NOP16: variants seen among roughly 807,000 people sequenced by gnomAD.
NOP16 encodes NOP16 nucleolar protein, also known as nucleolar protein 16.
In NOP16, 14 loss-of-function variants were observed where a neutral mutation model predicts 22.7. The ratio of observed to expected loss-of-function variants is 0.62; its 90% CI spans 0.41 to 0.97. The LOEUF is 0.97. Among genes scored for constraint, NOP16 ranks in the 50% least tolerant of loss-of-function variants. The pLI, the probability that NOP16 is intolerant of heterozygous loss-of-function variation, is 0.00. For synonymous variants in NOP16, 80 were observed against 83.6 expected (o/e 0.96, Z 0.23); for missense variants, 198 against 235.9 (o/e 0.84, Z 1.05).
At chr5:176,385,950 G>A (rs993193923) in intron 3 of NOP16, 4 of 152,540 alleles carry the variant, frequency 2.6e-5, no homozygotes, top group Admixed American at 6.5e-5. Flanking sequence ...TGAAGTAGTC[G>A]AATCATATCC....
In NOP16 at chr5:176,383,994, C is replaced by A; in HGVS notation, c.*237G>T. On this transcript the variant is annotated 3_prime_UTR_variant, in exon 5 of 5. Coordinates refer to ENST00000614830, the MANE Select transcript of NOP16 (RefSeq NM_016391.8). ...TACACACTATATTTACATCACCCACCCTGAAAACAGCAGGTTCTGGCTTTT... is the reference window on the plus strand; with the variant it reads ...TACACACTATATTTACATCACCCACACTGAAAACAGCAGGTTCTGGCTTTT... The A allele has an allele frequency of 6.5e-7, 1 of 1,535,124 alleles. No individual in the cohort carries two copies. Among genetic ancestry groups the A allele is most frequent in the Non-Finnish European group, 8.7e-7 (1 of 1,146,516 alleles).
At position 176,386,878 on chromosome 5, in the gene NOP16, C is replaced by T. The variant is rs748516531; in HGVS notation, c.248G>A (p.Arg83Lys). 6.2e-6 allele frequency: 10 copies of T among 1,613,980 alleles called. No homozygotes were observed. The African/African-American group carries it at 1.2e-4, about 19-fold the overall frequency. The change falls in exon 3 of 5, where the codon AGG becomes AAG. Residue 83 changes from arginine to lysine, a missense_variant. Coordinates refer to ENST00000614830, the MANE Select transcript of NOP16 (RefSeq NM_016391.8). ...GGGCTTCCGTACAAGCTCTTTAGGC[C>T]TCTCCTCTATGTCCACCTCCATGGC... is the stretch of plus-strand genomic sequence containing the variant. The part of the protein sequence containing the change: ...VKAMEVDIEE[R>K]PKELVRKPYV...
At chr5:176,387,204 C>G (rs1192662801) in intron 2 of NOP16, among the ~76,000 whole-genome samples, 9 of 152,212 alleles carry the variant, frequency 5.9e-5, no homozygotes, top group Admixed American at 3.9e-4. Flanking sequence ...CTCAGCCTCT[C>G]AAGTAGCTGG....
intron 3 of NOP16, 130 bp from the exon 4 acceptor site, chr5:176,385,457 G>A: frequency 1.6e-6 from 1 of 628,788 alleles, no homozygotes. Context: ...GGGGGTCTTT[G>A]CCTCCCCATT....
In NOP16 at chr5:176,388,245, C is replaced by A. The variant is rs372260739; in HGVS notation, c.206G>T (p.Arg69Leu). ...AVDPNRAVPL[R>L]KRKVKAMEVD... ...CTGCCATGTCAGTACCTTTCTCTTA[C>A]GGAGGGGCACCGCCCTGTTGGGGTC... is the stretch of plus-strand genomic sequence containing the variant. Residue 69 changes from arginine (R) to leucine (L), a missense_variant, in exon 2 of 5, where the codon CGT (arginine) becomes CTT (leucine). Coordinates refer to ENST00000614830, the MANE Select transcript of NOP16 (RefSeq NM_016391.8). 120 of 1,611,090 alleles carry A rather than the reference C, an allele frequency of 7.4e-5. No individual in the cohort carries two copies. Among genetic ancestry groups the A allele is most frequent in the Non-Finnish European group, 9.5e-5 (112 of 1,177,506 alleles).
rs985311982 is a variant in NOP16, at chr5:176,386,923, A to C, written c.217-14T>G. 1 of 1,612,530 alleles carries C rather than the reference A, an allele frequency of 6.2e-7. No individual in the cohort carries two copies. The highest frequency in any genetic ancestry group is 1.3e-5 in the African/African-American group (1 of 74,892). On this transcript the variant is annotated splice_polypyrimidine_tract_variant and intron_variant, in intron 2 of 4. Coordinates refer to ENST00000614830, the MANE Select transcript of NOP16 (RefSeq NM_016391.8). ...CATGGCCTTCACCTGCAGAGAACAG[A>C]GCCCTTGAGACCAGAAGGATCTTTG...
Position 176,384,305 on chromosome 5 carries a change from A to C in NOP16, c.463T>G (p.Tyr155Asp), listed in dbSNP as rs374004308. The change falls in exon 5 of 5, where the codon TAT becomes GAT. Residue 155 changes from tyrosine to aspartate, a missense_variant. Coordinates refer to ENST00000614830, the MANE Select transcript of NOP16 (RefSeq NM_016391.8). ...PKQIRSKINV[Y>D]KRFYPAEWQD... Reference sequence around the variant, plus strand: ...CACTCTGCTGGGTAAAAGCGTTTATAGACGTTGATCTTACTCCGAATCTGT... The same window carrying C: ...CACTCTGCTGGGTAAAAGCGTTTATCGACGTTGATCTTACTCCGAATCTGT... The C allele has an allele frequency of 3.6e-5, 58 of 1,614,116 alleles. No individual in the cohort carries two copies. Among genetic ancestry groups the C allele is most frequent in the Non-Finnish European group, 4.7e-5 (56 of 1,180,046 alleles).
intron 2 of NOP16, 63 bp from the exon 3 acceptor site, chr5:176,386,972 G>A (rs762261344): frequency 1.1e-4 from 162 of 1,421,018 alleles, no homozygotes; most frequent in Non-Finnish European, 1.5e-4. Context: ...ATAGACTCCT[G>A]CTTATCCCAA....
At chr5:176,387,926 G>A (rs1756015925) in intron 2 of NOP16, among the ~76,000 whole-genome samples, 1 of 152,200 alleles carries the variant, frequency 6.6e-6, no homozygotes, top group African/African-American at 2.4e-5. Context: ...CTCTTAGGGA[G>A]TACTAATTAG....
Position 176,388,554 on chromosome 5 carries a change from C to G in NOP16, c.-15G>C, listed in dbSNP as rs774094666. On this transcript the variant is annotated 5_prime_UTR_variant, in exon 1 of 5. Transcript: ENST00000614830. ...GCCTTGGGCATCGCGCTGACCACCG[C>G]ACCAGCAGCTCAAACACGCTGCCTC... The G allele has an allele frequency of 5.0e-6, 8 of 1,601,004 alleles. 1 individual carries two copies. The South Asian group carries it at 8.8e-5, about 18-fold the overall frequency.
chr5:176,385,151 C>T lies in NOP16; in HGVS notation c.393+70G>A, dbSNP rs551380362. ...ACTCGGTTTCAGGAAACAGGTGCTG[C>T]GCAAGCAGATCAAGCCGCGAATGGT... On this transcript the variant is annotated intron_variant, in intron 4 of 4. Transcript: ENST00000614830. The T allele has an allele frequency of 1.8e-3, 1,500 of 854,680 alleles. 35 individuals carry two copies. The South Asian group carries it at 0.019, about 11-fold the overall frequency. The allele number at this position is 854,680 out of a possible 1,614,324, so 52.9% of individuals were successfully genotyped here.
chr5:176,387,256 T>C (rs1755937555), intron 2 of NOP16, among the ~76,000 whole-genome samples: 1 of 145,306 alleles, frequency 6.9e-6, no homozygotes. Context: ...AATTTTGTGT[T>C]TTTAGTAGAG....
Position 176,388,525 on chromosome 5 carries a change from C to T in NOP16, c.15G>A (p.Lys5=), listed in dbSNP as rs752662570. 1.2e-5 allele frequency: 20 copies of T among 1,612,328 alleles called. No homozygotes were observed. In the Admixed American group the frequency reaches 3.3e-4, roughly 27 times the overall value. MPKA[K]GKTRRQKFGY... is the part of the protein sequence containing the mutation. ...CAAACTTCTGCCTCCGGGTTTTGCCCTTGGCCTTGGGCATCGCGCTGACCA... is the reference window on the plus strand; with the variant it reads ...CAAACTTCTGCCTCCGGGTTTTGCCTTTGGCCTTGGGCATCGCGCTGACCA... The change falls in exon 1 of 5, where the codon AAG becomes AAA. Residue 5 remains lysine (K), a synonymous_variant. Transcript: ENST00000614830.
At position 176,384,744 on chromosome 5, in the gene NOP16, T is replaced by G. The variant is rs571017480; in HGVS notation, c.394-370A>C. The G allele has an allele frequency of 8.5e-5, 30 of 354,634 alleles. No homozygotes were observed. The Admixed American group carries it at 1.2e-3, about 14-fold the overall frequency. 22.0% of individuals were successfully genotyped at this position (354,634 alleles called of 1,614,324 possible). A position where few individuals can be genotyped will look rare whatever the true frequency, so the allele number is the denominator to read the frequency against. ...ATGATCACACCACTGAACTCCACCCTGGGTGACAGAGCGAGATTCTGTCTC... is the reference window on the plus strand; with the variant it reads ...ATGATCACACCACTGAACTCCACCCGGGGTGACAGAGCGAGATTCTGTCTC... On this transcript the variant is annotated intron_variant, in intron 4 of 4. Transcript: ENST00000614830.
chr5:176,387,102 G>C (rs965270734), intron 2 of NOP16, among the ~76,000 whole-genome samples, 193 bp from the exon 3 acceptor site: 1 of 147,310 alleles, frequency 6.8e-6, no homozygotes, highest in African/African-American at 2.5e-5. Flanking sequence ...TTTTCTTTTT[G>C]AGACAGAGTC....
intron 2 of NOP16, among the ~76,000 whole-genome samples, 185 bp downstream of exon 2, chr5:176,388,050 G>A (rs1756025603): frequency 6.6e-6 from 1 of 152,208 alleles, no homozygotes; most frequent in Non-Finnish European, 1.5e-5. Flanking sequence ...GTGCTGGGGA[G>A]GGAGTGTGAC....
intron 3 of NOP16, 86 bp downstream of exon 3, chr5:176,386,745 GTTTCTCCAT>G (rs1201606959): frequency 1.8e-6 from 2 of 1,088,918 alleles, no homozygotes; most frequent in African/African-American, 3.1e-5. Flanking sequence ...CTGAAACTTG[GTTTCTCCAT>G]CTGCAAAATG....
Position 176,385,281 on chromosome 5 carries a change from C to CA in NOP16, c.332dup (p.Ser112ValfsTer6), listed in dbSNP as rs765548569. 3.7e-6 allele frequency: 6 copies of CA among 1,613,334 alleles called. No individual in the cohort carries two copies. In the East Asian group the frequency reaches 1.3e-4, roughly 36 times the overall value. ...GTACATAGTCAATGAGGTCCCGAGA[C>CA]AGAGTATTTCCTTTCTTTTCTGGAA... On this transcript the variant is annotated frameshift_variant, in exon 4 of 5. Transcript: ENST00000614830. LOFTEE classifies it high-confidence loss of function.
At position 176,385,251 on chromosome 5, in the gene NOP16, G is replaced by A. The variant is rs1464422127; in HGVS notation, c.363C>T (p.Tyr121=). 1.2e-6 allele frequency: 2 copies of A among 1,612,092 alleles called. No individual in the cohort carries two copies. The highest frequency in any genetic ancestry group is 2.7e-5 in the African/African-American group (2 of 74,888). Residue 121 remains tyrosine, a synonymous_variant, in exon 4 of 5, where the codon TAC becomes TAT. Coordinates refer to ENST00000614830, the MANE Select transcript of NOP16 (RefSeq NM_016391.8). ...LSRDLIDYVR[Y]MVENHGEDYK... Reference sequence around the variant, plus strand: ...AGTCCTCCCCGTGGTTCTCTACCATGTAGCGTACATAGTCAATGAGGTCCC... The same window carrying A: ...AGTCCTCCCCGTGGTTCTCTACCATATAGCGTACATAGTCAATGAGGTCCC...
Sources: gnomAD v4.1 joint callset for allele counts (sites outside exome capture counted in the v4.1 genomes callset) on GRCh38, gnomAD v4.1.1 for gene constraint, MANE v1.5 for transcripts, NCBI Gene and HGNC (gene_info 2026-07-23, HGNC 2026-07-21) for gene names.